Variants in CAMTA1 observed in about 807,000 individuals in gnomAD.
CAMTA1 encodes the protein calmodulin binding transcription activator 1.
CAMTA1 carries 27 observed loss-of-function variants against 170.9 expected under a neutral mutation model. The ratio of observed to expected loss-of-function variants is 0.16; its 90% CI spans 0.12 to 0.22. The LOEUF (loss-of-function observed/expected upper bound fraction) is 0.22, where lower values mean the gene tolerates loss of function less well. Among genes scored for constraint, CAMTA1 ranks in the 10% least tolerant of loss-of-function variants. The probability of loss-of-function intolerance (pLI) is 1.00; values close to 1 mark genes in which losing one functional copy is unlikely to be tolerated. For missense variants in CAMTA1, 1,619 were observed against 2,217.2 expected, an observed-to-expected ratio of 0.73 and a Z score of 5.42; for synonymous variants, 833 against 891.5, an observed-to-expected ratio of 0.93 and a Z score of 1.17.
At chr1:7,746,126 C>G (rs773525854) in intron 18 of CAMTA1, 35 bp downstream of exon 18, 2 of 1,604,506 alleles carry the variant, frequency 1.2e-6, no homozygotes, top group South Asian at 1.1e-5. Flanking sequence ...TTGTGACATT[C>G]TTAAGATCAG....
intron 1 of CAMTA1, among the ~76,000 whole-genome samples, chr1:6,810,589 G>A (rs764983580): frequency 3.3e-5 from 5 of 152,102 alleles, no homozygotes; most frequent in African/African-American, 4.8e-5. Context: ...GGCAGATCAC[G>A]AGGTCAGGAG....
chr1:7,356,917 G>C (rs1173252186), intron 5 of CAMTA1, among the ~76,000 whole-genome samples: 1 of 152,126 alleles, frequency 6.6e-6, no homozygotes, highest in Non-Finnish European at 1.5e-5. Context: ...ATAAAGCCTT[G>C]GGCCCGTGGA....
At position 7,625,353 on chromosome 1, in the gene CAMTA1, G is replaced by A. The variant is rs373980964; in HGVS notation, c.511-15047G>A. On this transcript the variant is annotated intron_variant, in intron 6 of 22. Coordinates refer to ENST00000303635, the MANE Select transcript of CAMTA1 (RefSeq NM_015215.4). Reference sequence around the variant, plus strand: ...CTTCAGCTCTGCTGGCATTAGCAGCGCCTCAGACTTGGTGGCCATGGAGTC... The same window carrying A: ...CTTCAGCTCTGCTGGCATTAGCAGCACCTCAGACTTGGTGGCCATGGAGTC... Among the ~76,000 whole-genome samples, 150 of 152,374 alleles carry A rather than the reference G, an allele frequency of 9.8e-4. 3 individuals carry two copies. In the South Asian group the frequency reaches 0.029, roughly 29 times the overall value.
intron 1 of CAMTA1, among the ~76,000 whole-genome samples, chr1:6,809,509 G>T (rs1644926937): frequency 6.6e-6 from 1 of 152,126 alleles, no homozygotes; most frequent in Non-Finnish European, 1.5e-5. Context: ...AGCCCCCTGG[G>T]CTTGGGGCAG....
chr1:7,253,616 A>G (rs1457217115), intron 5 of CAMTA1, among the ~76,000 whole-genome samples: 2 of 152,170 alleles, frequency 1.3e-5, no homozygotes, highest in Non-Finnish European at 2.9e-5. Flanking sequence ...AAACACATCC[A>G]TGCAAAGTAC....
Position 7,595,100 on chromosome 1 carries a change from T to C in CAMTA1, c.511-45300T>C, listed in dbSNP as rs1557974374. On this transcript the variant is annotated intron_variant, in intron 6 of 22. Coordinates refer to ENST00000303635, the MANE Select transcript of CAMTA1 (RefSeq NM_015215.4). Reference sequence around the variant, plus strand: ...GATGGAGCTGATGATGGGGACTCCATAAACTAAGAAGAGGGGTCTTTCAGG... The same window carrying C: ...GATGGAGCTGATGATGGGGACTCCACAAACTAAGAAGAGGGGTCTTTCAGG... 2.6e-5 allele frequency among the ~76,000 whole-genome samples: 4 copies of C among 152,292 alleles called. No individual in the cohort carries two copies. In the East Asian group the frequency reaches 7.7e-4, roughly 29 times the overall value.
rs537839721 is a variant in CAMTA1, at chr1:7,021,342, G to A, written c.235-69962G>A. ...GGAGTCTGGAGCCACTGGAAACAGT[G>A]GGTGCCTCCACCAGCCCCGGGGGAA... On this transcript the variant is annotated intron_variant, in intron 3 of 22. Transcript: ENST00000303635. 6.6e-5 allele frequency among the ~76,000 whole-genome samples: 10 copies of A among 152,320 alleles called. 1 individual carries two copies. In the South Asian group the frequency reaches 1.9e-3, roughly 28 times the overall value.
At chr1:7,008,129 G>A (rs751898669) in intron 3 of CAMTA1, among the ~76,000 whole-genome samples, 37 of 152,332 alleles carry the variant, frequency 2.4e-4, no homozygotes, top group Non-Finnish European at 4.6e-4. Flanking sequence ...ACCGTGGGTC[G>A]TGGAAGGGAG....
At chr1:7,347,035 A>G (rs1208861529) in intron 5 of CAMTA1, among the ~76,000 whole-genome samples, 1 of 152,186 alleles carries the variant, frequency 6.6e-6, no homozygotes, top group African/African-American at 2.4e-5. Context: ...ACAGCCTCTG[A>G]AAGAGCCAAA....
At chr1:7,122,499 G>A (rs1197511421) in intron 4 of CAMTA1, among the ~76,000 whole-genome samples, 6 of 152,110 alleles carry the variant, frequency 3.9e-5, no homozygotes, top group African/African-American at 1.2e-4. Context: ...GGGAGGACAC[G>A]TGCCCCTGAG....
chr1:7,416,588 C>T (rs892378233), intron 5 of CAMTA1, among the ~76,000 whole-genome samples: 2 of 152,162 alleles, frequency 1.3e-5, no homozygotes, highest in East Asian at 1.9e-4. Flanking sequence ...ACGTAGTTCT[C>T]GAGCCTTGGC....
At chr1:7,211,728 TC>T (rs1254470305) in intron 4 of CAMTA1, among the ~76,000 whole-genome samples, 1 of 152,228 alleles carries the variant, frequency 6.6e-6, no homozygotes, top group African/African-American at 2.4e-5. Context: ...GTTTCTGAAT[TC>T]CAGCTGTGTG....
At chr1:7,023,400 AAATT>A (rs1701633940) in intron 3 of CAMTA1, among the ~76,000 whole-genome samples, 1 of 152,256 alleles carries the variant, frequency 6.6e-6, no homozygotes, top group Non-Finnish European at 1.5e-5. Context: ...CCTTAGGCAA[AAATT>A]ACAAAGCAGA....
At chr1:7,326,476 T>A (rs763373245) in intron 5 of CAMTA1, among the ~76,000 whole-genome samples, 1 of 152,186 alleles carries the variant, frequency 6.6e-6, no homozygotes, top group Non-Finnish European at 1.5e-5. Flanking sequence ...GTAGATATAA[T>A]CAAGTTAAAG....
intron 6 of CAMTA1, among the ~76,000 whole-genome samples, chr1:7,518,887 C>T (rs1391497807): frequency 6.6e-6 from 1 of 151,970 alleles, no homozygotes; most frequent in East Asian, 1.9e-4. Context: ...GAAAAAATGG[C>T]CTGTGATGGC....
In CAMTA1 at chr1:7,744,106, C is replaced by T. The variant is rs920317977; in HGVS notation, c.4183-729C>T. Among the ~76,000 whole-genome samples, 59 of 139,202 alleles carry T rather than the reference C, an allele frequency of 4.2e-4. 1 individual carries two copies. Among genetic ancestry groups the T allele is most frequent in the Non-Finnish European group, 3.2e-4 (21 of 65,632 alleles). The allele number at this position is 139,202 out of a possible 152,430, so 91.3% of individuals were successfully genotyped here. On this transcript the variant is annotated intron_variant, in intron 16 of 22. Transcript: ENST00000303635. ...CCTCCCAAAGTGCTGGGATTACAGG[C>T]GTGAGCCACTGCGCCTGGCCTCTTT...
At chr1:7,116,903 C>T (rs1376149843) in intron 4 of CAMTA1, among the ~76,000 whole-genome samples, 5 of 152,104 alleles carry the variant, frequency 3.3e-5, no homozygotes, top group African/African-American at 4.8e-5. Flanking sequence ...CCACCCGCCT[C>T]GGCCTCCCAA....
chr1:7,170,698 T>G (rs1030784564), intron 4 of CAMTA1, among the ~76,000 whole-genome samples: 2 of 152,248 alleles, frequency 1.3e-5, no homozygotes, highest in Non-Finnish European at 2.9e-5. Flanking sequence ...CCACATTTTC[T>G]TTATCCAGTC....
chr1:7,422,980 T>C (rs1014539543), intron 5 of CAMTA1, among the ~76,000 whole-genome samples: 2 of 152,044 alleles, frequency 1.3e-5, no homozygotes, highest in Non-Finnish European at 2.9e-5. Context: ...GAGCATAGAT[T>C]AATGGCAGTG....
Sources: gnomAD v4.1 joint callset for allele counts (sites outside exome capture counted in the v4.1 genomes callset) on GRCh38, gnomAD v4.1.1 for gene constraint, MANE v1.5 for transcripts, NCBI Gene and HGNC (gene_info 2026-07-23, HGNC 2026-07-21) for gene names.